Variants in SLC39A11 observed in about 807,000 individuals in gnomAD.
SLC39A11 encodes the protein zinc transporter ZIP11.
In SLC39A11, 33 loss-of-function variants were observed where a neutral mutation model predicts 36.1. The observed-to-expected ratio is 0.91, with a 90% confidence interval of 0.69 to 1.22. SLC39A11 has a LOEUF of 1.22. SLC39A11 is among the 50% of genes most tolerant of loss of function. The pLI, the probability that SLC39A11 is intolerant of heterozygous loss-of-function variation, is 0.00. For synonymous variants in SLC39A11, 166 were observed against 170.3 expected (o/e 0.97, Z 0.20); for missense variants, 432 against 430.3 (o/e 1.00, Z -0.03).
intron 7 of SLC39A11, among the ~76,000 whole-genome samples, chr17:72,723,377 C>T (rs763033224): frequency 6.7e-5 from 10 of 149,794 alleles, no homozygotes; most frequent in Non-Finnish European, 1.5e-4. Flanking sequence ...GTCAGGAGGT[C>T]TGGATTAGAG....
At chr17:72,856,032 C>G (rs2079626690) in intron 5 of SLC39A11, among the ~76,000 whole-genome samples, 1 of 152,030 alleles carries the variant, frequency 6.6e-6, no homozygotes, top group Non-Finnish European at 1.5e-5. Flanking sequence ...TTGGCTATTT[C>G]TAGACTTTTT....
intron 4 of SLC39A11, among the ~76,000 whole-genome samples, chr17:72,954,413 TTAC>T (rs2086098270): frequency 6.6e-6 from 1 of 152,162 alleles, no homozygotes; most frequent in South Asian, 2.1e-4. Context: ...AAGCCAAGTG[TTAC>T]ACGCCAGTGG....
intron 6 of SLC39A11, among the ~76,000 whole-genome samples, chr17:72,826,565 A>G (rs2145637961): frequency 6.6e-6 from 1 of 152,346 alleles, no homozygotes; most frequent in Non-Finnish European, 1.5e-5. Flanking sequence ...AGGAGTCTGT[A>G]GATCCAGGCT....
At chr17:72,707,854 C>A (rs2143226865) in intron 7 of SLC39A11, among the ~76,000 whole-genome samples, 1 of 152,314 alleles carries the variant, frequency 6.6e-6, no homozygotes, top group African/African-American at 2.4e-5. Flanking sequence ...TCAAGCATGG[C>A]AAAAATATCC....
intron 3 of SLC39A11, among the ~76,000 whole-genome samples, chr17:73,039,561 T>C (rs1031264088): frequency 2.0e-5 from 3 of 152,202 alleles, no homozygotes; most frequent in African/African-American, 7.2e-5. Flanking sequence ...TCAACACCCA[T>C]TTTTTGGTCT....
intron 4 of SLC39A11, among the ~76,000 whole-genome samples, chr17:73,015,636 T>C (rs2090761230): frequency 6.6e-6 from 1 of 152,122 alleles, no homozygotes; most frequent in African/African-American, 2.4e-5. Context: ...CAGGCTGGAG[T>C]GCAGTGGCGC....
In SLC39A11 at chr17:72,870,673, G is replaced by T. The variant is rs1283967867; in HGVS notation, c.431-20869C>A. Among the ~76,000 whole-genome samples, 4 of 152,202 alleles carry T rather than the reference G, an allele frequency of 2.6e-5. No homozygotes were observed. In the East Asian group the frequency reaches 7.7e-4, roughly 29 times the overall value. On this transcript the variant is annotated intron_variant, in intron 5 of 9. Coordinates refer to ENST00000255559, the MANE Select transcript of SLC39A11 (RefSeq NM_139177.4). ...CTCTCCTGCAGATTTGTGGCCAATT[G>T]GTAAGTAGCTCCAAGATAATGTTGC...
chr17:72,712,737 G>A (rs1181256801), intron 7 of SLC39A11: 1 of 152,072 alleles, frequency 6.6e-6, no homozygotes, highest in Admixed American at 6.5e-5. Flanking sequence ...TTAGTCAAAG[G>A]ATACACATTC....
intron 6 of SLC39A11, among the ~76,000 whole-genome samples, chr17:72,768,581 C>G (rs575564804): frequency 6.6e-6 from 1 of 152,252 alleles, no homozygotes; most frequent in South Asian, 2.1e-4. Flanking sequence ...GGCTTGCTTT[C>G]TCCACCTCTC....
At chr17:72,967,246 T>C (rs8069933) in intron 4 of SLC39A11, among the ~76,000 whole-genome samples, 2,175 of 152,262 alleles carry the variant, frequency 0.014, 46 homozygotes, top group African/African-American at 0.049. Context: ...GTAGAAAAAT[T>C]GTCTTCCATG....
chr17:72,886,408 A>G (rs2081439361), intron 5 of SLC39A11, among the ~76,000 whole-genome samples: 1 of 152,102 alleles, frequency 6.6e-6, no homozygotes, highest in South Asian at 2.1e-4. Flanking sequence ...ACTCCCTGTA[A>G]ATCACTCAAT....
At chr17:72,695,084 A>T (rs987952192) in intron 7 of SLC39A11, among the ~76,000 whole-genome samples, 3 of 152,164 alleles carry the variant, frequency 2.0e-5, no homozygotes, top group Non-Finnish European at 4.4e-5. Context: ...AATCAAGGGA[A>T]TGGGGTACAC....
intron 7 of SLC39A11, among the ~76,000 whole-genome samples, chr17:72,662,303 A>G (rs2070462942): frequency 6.6e-6 from 1 of 151,314 alleles, no homozygotes; most frequent in Non-Finnish European, 1.5e-5. Context: ...AAAAGAGGAA[A>G]GGAAGAAAGA....
intron 6 of SLC39A11, among the ~76,000 whole-genome samples, chr17:72,785,766 A>G (rs2060097): frequency 0.099 from 15,013 of 152,230 alleles, 1,336 homozygotes; most frequent in African/African-American, 0.24. Flanking sequence ...TGTTTTTCTC[A>G]TCCTGCCCAT....
At chr17:73,076,946 CTG>C in intron 3 of SLC39A11, among the ~76,000 whole-genome samples, 2 of 152,098 alleles carry the variant, frequency 1.3e-5, no homozygotes, top group Middle Eastern at 6.8e-3. Flanking sequence ...GCCTCGTGCC[CTG>C]TGTGTTGCAG....
intron 4 of SLC39A11, among the ~76,000 whole-genome samples, chr17:73,026,187 G>GAGA (rs1555683082): frequency 0.029 from 104 of 3,592 alleles, 1 homozygote; most frequent in Middle Eastern, 0.12. Context: ...AGAAAGAGAA[G>GAGA]AGAGAAGAGA....
chr17:73,016,895 C>A (rs1183420048), intron 4 of SLC39A11, among the ~76,000 whole-genome samples: 1 of 152,156 alleles, frequency 6.6e-6, no homozygotes, highest in South Asian at 2.1e-4. Flanking sequence ...TGAAGCAACA[C>A]TCCATTTATT....
intron 5 of SLC39A11, among the ~76,000 whole-genome samples, chr17:72,868,274 A>G (rs1457007149): frequency 6.6e-6 from 1 of 152,214 alleles, no homozygotes; most frequent in Non-Finnish European, 1.5e-5. Context: ...AGAAAGAAAA[A>G]TAAGTAAAAC....
chr17:72,752,265 G>C (rs1332787489), intron 6 of SLC39A11, among the ~76,000 whole-genome samples: 2 of 152,042 alleles, frequency 1.3e-5, no homozygotes, highest in African/African-American at 4.8e-5. Context: ...TCTTTCTTAA[G>C]ATGGAGTCTC....
Sources: allele counts gnomAD v4.1 joint callset (sites outside exome capture counted in the v4.1 genomes callset), GRCh38; gene constraint gnomAD v4.1.1; transcripts MANE v1.5; gene names NCBI Gene and HGNC (gene_info 2026-07-23, HGNC 2026-07-21).